The following BICDL1 variants were observed in gnomAD, a reference collection of about 807,000 sequenced individuals.
The protein encoded by BICDL1 is BICD family like cargo adaptor 1.
Under a neutral mutation model 76.8 loss-of-function variants are expected in BICDL1, and 20 were observed. The ratio of observed to expected loss-of-function variants is 0.26; its 90% CI spans 0.18 to 0.38. The LOEUF is 0.38. BICDL1 is among the 10% of genes least tolerant of loss of function. BICDL1 has a pLI of 1.00. For missense variants in BICDL1, 700 were observed against 798.6 expected (o/e 0.88, Z 1.49); for synonymous variants, 383 against 337.1 (o/e 1.14, Z -1.49).
At chr12:120,017,558 G>T (rs534413630) in intron 2 of BICDL1, among the ~76,000 whole-genome samples, 2 of 152,086 alleles carry the variant, frequency 1.3e-5, no homozygotes, top group African/African-American at 4.8e-5. Context: ...AGCAAGACCC[G>T]TCTCTGCAAA....
At chr12:120,090,276 C>T (rs1371228147) in intron 9 of BICDL1, 2 of 583,196 alleles carry the variant, frequency 3.4e-6, no homozygotes, top group Non-Finnish European at 5.8e-6. Context: ...GCGACAGTGC[C>T]CAGGCTGCTG....
intron 4 of BICDL1, among the ~76,000 whole-genome samples, 167 bp downstream of exon 4, chr12:120,065,046 ACT>A (rs1354744613): frequency 1.3e-5 from 2 of 152,050 alleles, no homozygotes; most frequent in African/African-American, 2.4e-5. Flanking sequence ...GGCTCTTCCG[ACT>A]CTGCCTAAAG....
chr12:120,017,234 CAG>C lies in BICDL1; in HGVS notation c.645+18499_645+18500del, dbSNP rs543212982. ...ATATCAGCAGATTGATAAAACAACA[CAG>C]GGATTGAGTAATACTTTTAAAAGGA... On this transcript the variant is annotated intron_variant, in intron 2 of 9. Transcript: ENST00000548673. Among the ~76,000 whole-genome samples, 446 of 152,254 alleles carry C rather than the reference CAG, an allele frequency of 2.9e-3. 1 individual carries two copies. Among genetic ancestry groups the C allele is most frequent in the African/African-American group, 0.01 (434 of 41,538 alleles).
chr12:120,087,698 A>G (rs755163182), intron 8 of BICDL1, among the ~76,000 whole-genome samples: 3 of 152,262 alleles, frequency 2.0e-5, no homozygotes, highest in African/African-American at 7.2e-5. Context: ...CTGCCTCTGC[A>G]GAGGTCCTTC....
At chr12:119,994,974 A>G (rs529155503) in intron 1 of BICDL1, among the ~76,000 whole-genome samples, 6 of 152,330 alleles carry the variant, frequency 3.9e-5, no homozygotes, top group South Asian at 4.1e-4. Flanking sequence ...TATTCAGATT[A>G]TCTAAGCATT....
In BICDL1 at chr12:119,990,120, C is replaced by A. The variant is rs1423377846; in HGVS notation, c.252C>A (p.Ala84=). 23 of 1,549,428 alleles carry A rather than the reference C, an allele frequency of 1.5e-5. No homozygotes were observed. Among genetic ancestry groups the A allele is most frequent in the Non-Finnish European group, 1.7e-5 (19 of 1,146,890 alleles). Residue 84 remains alanine (A), a synonymous_variant, in exon 1 of 10, where the codon GCC becomes GCA. Coordinates refer to ENST00000548673, the MANE Select transcript of BICDL1 (RefSeq NM_001367886.1). The stretch of plus-strand genomic sequence containing the variant: ...CTCAGGCCGAGCCTGGGTCTCTGGC[C>A]GAGGGGGCCGGACCGCAGCCGCCGC... ...EHPQAEPGSL[A]EGAGPQPPPS... is the part of the protein sequence containing the mutation.
chr12:120,085,244 G>A (rs189937081), intron 8 of BICDL1, among the ~76,000 whole-genome samples: 19 of 152,038 alleles, frequency 1.2e-4, no homozygotes, highest in Admixed American at 3.3e-4. Flanking sequence ...TCAGGTGTTC[G>A]AGACCAACCT....
In BICDL1 at chr12:119,999,580, T is replaced by C. The variant is rs561861200; in HGVS notation, c.645+844T>C. Among the ~76,000 whole-genome samples, 32 of 152,372 alleles carry C rather than the reference T, an allele frequency of 2.1e-4. No homozygotes were observed. The East Asian group carries it at 6.2e-3, about 29-fold the overall frequency. On this transcript the variant is annotated intron_variant, in intron 2 of 9. Transcript: ENST00000548673. ...TATTTCCACATTTAGTAAACATTCT[T>C]TATTTGTACCTTTCTAAGGTGGTGT...
At chr12:120,012,623 C>T (rs1951976217) in intron 2 of BICDL1, among the ~76,000 whole-genome samples, 1 of 152,116 alleles carries the variant, frequency 6.6e-6, no homozygotes, top group South Asian at 2.1e-4. Flanking sequence ...ATATGTCTTT[C>T]CCTTTACATT....
At chr12:119,999,042 CAG>C (rs1036132533) in intron 2 of BICDL1, among the ~76,000 whole-genome samples, 19 of 117,342 alleles carry the variant, frequency 1.6e-4, no homozygotes, top group African/African-American at 5.6e-4. Context: ...GCCCGGGCAA[CAG>C]AGTGACAGCC....
intron 8 of BICDL1, among the ~76,000 whole-genome samples, chr12:120,089,117 T>C (rs1185210491): frequency 2.6e-5 from 4 of 152,220 alleles, no homozygotes; most frequent in Non-Finnish European, 5.9e-5. Flanking sequence ...GATTGCTAAC[T>C]ACAAGGAATC....
chr12:119,998,226 T>A (rs940791381), intron 1 of BICDL1, among the ~76,000 whole-genome samples: 1 of 152,208 alleles, frequency 6.6e-6, no homozygotes, highest in South Asian at 2.1e-4. Flanking sequence ...ATTAGATGAT[T>A]GGCAAATTTC....
chr12:120,081,014 C>T lies in BICDL1; in HGVS notation c.1580C>T (p.Ala527Val). Residue 527 changes from alanine to valine, a missense_variant, in exon 8 of 10, where the codon GCA becomes GTA. Physicochemically the swap from Ala to Val is moderately conservative, Grantham distance 64. Around this residue, in one of 3 missense-constraint regions of BICDL1, gnomAD observed 455 missense variants for 548.7 expected, o/e 0.83. Transcript: ENST00000548673. ...KAIRDRDEAIAKKNAVELELA... is the reference protein window; with the variant it reads ...KAIRDRDEAIVKKNAVELELA... ...ATCAGGGACCGCGACGAGGCCATTGCAAAGTGAGTAGGGATGGCTTCACTT... is the reference window on the plus strand; with the variant it reads ...ATCAGGGACCGCGACGAGGCCATTGTAAAGTGAGTAGGGATGGCTTCACTT... 4 of 1,612,944 alleles carry T rather than the reference C, an allele frequency of 2.5e-6. No homozygotes were observed. Among genetic ancestry groups the T allele is most frequent in the Non-Finnish European group, 3.4e-6 (4 of 1,179,616 alleles).
intron 2 of BICDL1, among the ~76,000 whole-genome samples, chr12:120,052,248 G>A (rs1194330456): frequency 2.0e-4 from 16 of 80,204 alleles, no homozygotes; most frequent in African/African-American, 7.2e-4. Context: ...TCCCCTCCCC[G>A]CCCCTCCCCT....
chr12:120,032,745 A>AT (rs35727779), intron 2 of BICDL1, among the ~76,000 whole-genome samples: 26,961 of 124,464 alleles, frequency 0.22, 3,912 homozygotes, highest in African/African-American at 0.33. Context: ...TACATCTATA[A>AT]TTTTTTTTTT....
At chr12:120,070,472 G>A (rs1873000342) in intron 4 of BICDL1, among the ~76,000 whole-genome samples, 1 of 152,006 alleles carries the variant, frequency 6.6e-6, no homozygotes, top group Non-Finnish European at 1.5e-5. Context: ...TTTCTCTCAC[G>A]TTATTTTGAA....
rs1480437318 is a variant in BICDL1 at position 119,989,741 on chromosome 12, A to G, written c.-128A>G. The stretch of plus-strand genomic sequence containing the variant: ...CGCGCCGCGCCCAGGGCTCGCGGGG[A>G]CCCGGGGGCGCGTGCCGCGGCGCGA... On this transcript the variant is annotated 5_prime_UTR_variant, in exon 1 of 10. Transcript: ENST00000548673. The G allele has an allele frequency of 5.0e-6, 1 of 201,748 alleles. No homozygotes were observed. Among genetic ancestry groups the G allele is most frequent in the African/African-American group, 2.6e-5 (1 of 39,012 alleles). The allele number at this position is 201,748 out of a possible 1,614,324, so 12.5% of individuals were successfully genotyped here. A position where few individuals can be genotyped will look rare whatever the true frequency, so the allele number is the denominator to read the frequency against.
intron 2 of BICDL1, among the ~76,000 whole-genome samples, chr12:120,016,856 T>A (rs1024374440): frequency 1.3e-5 from 2 of 151,610 alleles, no homozygotes; most frequent in African/African-American, 4.9e-5. Flanking sequence ...AAAAAAAAAA[T>A]TGTAGACCTT....
At chr12:120,044,181 G>A (rs1309278243) in intron 2 of BICDL1, among the ~76,000 whole-genome samples, 3 of 152,182 alleles carry the variant, frequency 2.0e-5, no homozygotes, top group African/African-American at 7.2e-5. Flanking sequence ...GGAAGAAAGT[G>A]ACCACCAGTT....
Sources: gnomAD v4.1 joint callset for allele counts (sites outside exome capture counted in the v4.1 genomes callset) on GRCh38, gnomAD v4.1.1 for gene constraint, gnomAD v4.1.1 regional missense constraint, MANE v1.5 for transcripts, NCBI Gene and HGNC (gene_info 2026-07-23, HGNC 2026-07-21) for gene names.